Variants in PPFIA2 observed in about 807,000 individuals in gnomAD.
The protein encoded by PPFIA2 is PPFI scaffold protein A2.
Under a neutral mutation model 175.5 loss-of-function variants are expected in PPFIA2, and 46 were observed. The observed-to-expected ratio is 0.26, with a 90% CI of 0.21 to 0.34. The LOEUF is 0.34. Among genes scored for constraint, PPFIA2 ranks in the 10% least tolerant of loss-of-function variants. The pLI, the probability that PPFIA2 is intolerant of heterozygous loss-of-function variation, is 1.00. For synonymous variants in PPFIA2, 568 were observed against 511.4 expected (o/e 1.11, Z -1.49); for missense variants, 1,179 against 1,506.1 (o/e 0.78, Z 3.60).
At chr12:81,299,437 T>A (rs1456683696) in intron 22 of PPFIA2, 55 bp from the exon 23 acceptor site, 1 of 1,518,570 alleles carries the variant, frequency 6.6e-7, no homozygotes, top group Non-Finnish European at 8.9e-7. Context: ...ATGGCTGTGA[T>A]TATTTTTAAT....
intron 3 of PPFIA2, among the ~76,000 whole-genome samples, chr12:81,728,948 T>C: frequency 6.6e-6 from 1 of 151,548 alleles, no homozygotes; most frequent in Admixed American, 6.6e-5. Flanking sequence ...CTCATCTATC[T>C]GTAGTCAACT....
chr12:81,425,706 C>A (rs748569637), intron 7 of PPFIA2, among the ~76,000 whole-genome samples: 16 of 152,036 alleles, frequency 1.1e-4, no homozygotes, highest in Non-Finnish European at 2.4e-4. Context: ...TTGTAATTTT[C>A]TTTTAAAAGA....
At chr12:81,697,432 CT>C (rs2153597271) in intron 3 of PPFIA2, among the ~76,000 whole-genome samples, 1 of 151,934 alleles carries the variant, frequency 6.6e-6, no homozygotes, top group East Asian at 1.9e-4. Flanking sequence ...TCTAATTAAT[CT>C]GAGGAAGGAA....
chr12:81,628,988 G>C (rs1595779460), intron 4 of PPFIA2, among the ~76,000 whole-genome samples: 3 of 152,112 alleles, frequency 2.0e-5, no homozygotes, highest in Admixed American at 6.5e-5. Flanking sequence ...CACAGGCAGA[G>C]AGATGCTGAG....
At chr12:81,573,298 C>A (rs1039309429) in intron 4 of PPFIA2, among the ~76,000 whole-genome samples, 3 of 151,656 alleles carry the variant, frequency 2.0e-5, no homozygotes, top group African/African-American at 4.8e-5. Context: ...TTAATGATAC[C>A]CTACAGAGTG....
intron 4 of PPFIA2, among the ~76,000 whole-genome samples, chr12:81,464,230 T>A (rs1477294588): frequency 6.6e-6 from 1 of 152,148 alleles, no homozygotes; most frequent in Non-Finnish European, 1.5e-5. Flanking sequence ...GCTGTTTACT[T>A]AACTATCATT....
chr12:81,422,470 G>A (rs2046445767), intron 7 of PPFIA2, among the ~76,000 whole-genome samples: 2 of 151,998 alleles, frequency 1.3e-5, no homozygotes. Context: ...AAAAACCTTG[G>A]AAAATTCACA....
chr12:81,282,815 C>A (rs1156764653), intron 26 of PPFIA2, 195 bp downstream of exon 26: 1 of 418,048 alleles, frequency 2.4e-6, no homozygotes, highest in Non-Finnish European at 4.3e-6. Context: ...AAACGTCAAT[C>A]ATCTTATTTT....
chr12:81,578,916 A>C, intron 4 of PPFIA2, among the ~76,000 whole-genome samples: 1 of 151,814 alleles, frequency 6.6e-6, no homozygotes, highest in East Asian at 1.9e-4. Flanking sequence ...GGAGAAGGAG[A>C]CACTAATCAA....
intron 28 of PPFIA2, among the ~76,000 whole-genome samples, chr12:81,276,645 C>G (rs2040605803): frequency 6.6e-6 from 1 of 152,042 alleles, no homozygotes; most frequent in Non-Finnish European, 1.5e-5. Context: ...TATTAAGGTA[C>G]TTCTCAACAT....
chr12:81,509,421 C>A (rs2061533533), intron 4 of PPFIA2, among the ~76,000 whole-genome samples: 2 of 152,086 alleles, frequency 1.3e-5, no homozygotes, highest in African/African-American at 2.4e-5. Context: ...GGGTGAAATA[C>A]CAGGTATAGA....
chr12:81,549,637 A>T (rs1444088957), intron 4 of PPFIA2, among the ~76,000 whole-genome samples: 2 of 152,034 alleles, frequency 1.3e-5, no homozygotes, highest in African/African-American at 2.4e-5. Context: ...TCCATTAGAC[A>T]CTCTCAAAAC....
At chr12:81,692,876 C>T (rs1173574433) in intron 3 of PPFIA2, among the ~76,000 whole-genome samples, 4 of 151,936 alleles carry the variant, frequency 2.6e-5, no homozygotes, top group African/African-American at 9.6e-5. Flanking sequence ...TACCCTAAAG[C>T]CATATAACTA....
chr12:81,626,562 G>T (rs2062735148), intron 4 of PPFIA2, among the ~76,000 whole-genome samples: 2 of 151,996 alleles, frequency 1.3e-5, no homozygotes, highest in African/African-American at 4.8e-5. Flanking sequence ...CAGTATGTCT[G>T]GTAGGATGGG....
chr12:81,747,071 G>A (rs1024878619), intron 3 of PPFIA2, among the ~76,000 whole-genome samples: 1 of 143,256 alleles, frequency 7.0e-6, no homozygotes, highest in Non-Finnish European at 1.6e-5. Context: ...GATTGCAAGG[G>A]TTAAAAAAAG....
At chr12:81,456,320 G>C (rs944526203) in intron 5 of PPFIA2, among the ~76,000 whole-genome samples, 1 of 152,146 alleles carries the variant, frequency 6.6e-6, no homozygotes, top group Non-Finnish European at 1.5e-5. Context: ...GTTATGCCCT[G>C]TTTGAGGCAA....
rs185731847 is a variant in PPFIA2 at position 81,406,854 on chromosome 12, A to G, written c.646-951T>C. On this transcript the variant is annotated intron_variant, in intron 7 of 32. Transcript: ENST00000549396. Reference sequence around the variant, plus strand: ...AATAATATTAAACTTACATGTGGAAATTACAAGACCAACATGTCACAAGAC... The same window carrying G: ...AATAATATTAAACTTACATGTGGAAGTTACAAGACCAACATGTCACAAGAC... 5.4e-4 allele frequency among the ~76,000 whole-genome samples: 82 copies of G among 152,312 alleles called. 1 individual carries two copies. Among genetic ancestry groups the G allele is most frequent in the African/African-American group, 1.9e-3 (81 of 41,578 alleles).
At chr12:81,307,801 C>CT (rs1189525510) in intron 22 of PPFIA2, among the ~76,000 whole-genome samples, 1 of 152,174 alleles carries the variant, frequency 6.6e-6, no homozygotes, top group African/African-American at 2.4e-5. Context: ...GTCTCCCTGG[C>CT]TTTTTCTGCT....
At chr12:81,555,355 T>G (rs2068659591) in intron 4 of PPFIA2, among the ~76,000 whole-genome samples, 1 of 152,022 alleles carries the variant, frequency 6.6e-6, no homozygotes, top group South Asian at 2.1e-4. Context: ...ATATGGTATG[T>G]AATATAGCAT....
Sources: allele counts gnomAD v4.1 joint callset (sites outside exome capture counted in the v4.1 genomes callset), GRCh38; gene constraint gnomAD v4.1.1; transcripts MANE v1.5; gene names NCBI Gene and HGNC (gene_info 2026-07-23, HGNC 2026-07-21).